Variants in ASAH1 observed in about 807,000 individuals in gnomAD.
ASAH1 encodes the protein acid ceramidase.
ASAH1 carries 70 observed loss-of-function variants against 59.5 expected under a neutral mutation model. That is an observed-to-expected ratio of 1.18 (90% confidence interval 0.97 to 1.43). The LOEUF (loss-of-function observed/expected upper bound fraction) is 1.43, where lower values mean the gene tolerates loss of function less well. Ranked by LOEUF, ASAH1 falls within the 40% of genes most tolerant of loss-of-function variation. The pLI is 0.00. For missense variants in ASAH1, 660 were observed against 482.5 expected, an observed-to-expected ratio of 1.37 and a Z score of -3.45; for synonymous variants, 213 against 166.5, an observed-to-expected ratio of 1.28 and a Z score of -2.15.
chr8:18,067,176 GAATTT>G (rs1799964683), intron 5 of ASAH1, 39 bp downstream of exon 5: 1 of 1,259,650 alleles, frequency 7.9e-7, no homozygotes, highest in Non-Finnish European at 1.1e-6. Flanking sequence ...ACTTGTAAAA[GAATTT>G]AATTACTTTT....
At chr8:18,084,387 G>T, upstream of ASAH1, 1 of 1,401,020 alleles carries the variant, frequency 7.1e-7, no homozygotes, top group Non-Finnish European at 9.3e-7. Context: ...CCGCCCCGTA[G>T]GTGGGGCCGG....
rs1361939719 is a variant in ASAH1, at chr8:18,064,526, T to A, written c.388A>T (p.Ile130Phe). 1.2e-5 allele frequency: 18 copies of A among 1,528,416 alleles called. No individual in the cohort carries two copies. The highest frequency in any genetic ancestry group is 1.4e-5 in the Non-Finnish European group (16 of 1,108,924). The allele number at this position is 1,528,416 out of a possible 1,614,324, so 94.7% of individuals were successfully genotyped here. The change falls in exon 6 of 14, where the codon ATT becomes TTT. Residue 130 changes from isoleucine (I) to phenylalanine (F), a missense_variant. By Grantham distance (21) the Ile-to-Phe change is conservative. Coordinates refer to ENST00000637790, the MANE Select transcript of ASAH1 (RefSeq NM_177924.5). ...AAVTDIPLGE[I>F]ISFNIFYELF... ...TCATAAAAAATATTGAATGAAATAA[T>A]CTCTCCTATGAGAAAAGAAAATTTT...
intron 2 of ASAH1, among the ~76,000 whole-genome samples, chr8:18,073,834 A>G (rs1016417148): frequency 1.3e-5 from 2 of 152,236 alleles, no homozygotes; most frequent in African/African-American, 4.8e-5. Flanking sequence ...GATAAGAGCA[A>G]AGCCGAGGCT....
In ASAH1 at chr8:18,061,595, G is replaced by A; in HGVS notation, c.703+91C>T. ...CTTTGTAACCAGTCGGGAACCGGAA[G>A]AGGTTGGACTTTGTAACCAGAAGGC... On this transcript the variant is annotated intron_variant, in intron 9 of 13. Transcript: ENST00000637790. The A allele has an allele frequency of 2.7e-6, 4 of 1,471,458 alleles. No homozygotes were observed. The South Asian group carries it at 3.5e-5, about 13-fold the overall frequency. The allele number at this position is 1,471,458 out of a possible 1,614,324, so 91.2% of individuals were successfully genotyped here.
At chr8:18,058,452 G>T in intron 13 of ASAH1, 2 of 200,654 alleles carry the variant, frequency 1.0e-5, no homozygotes, top group Non-Finnish European at 2.0e-5. Context: ...ATGTAGTAAA[G>T]TTTAAGGGAA....
intron 5 of ASAH1, chr8:18,065,086 T>A (rs1799875493): frequency 6.6e-6 from 1 of 152,192 alleles, no homozygotes; most frequent in Non-Finnish European, 1.5e-5. Flanking sequence ...CTGTCCCATT[T>A]AACATTAACA....
intron 5 of ASAH1, chr8:18,064,823 T>A (rs894108357): frequency 3.6e-5 from 12 of 334,234 alleles, no homozygotes; most frequent in Non-Finnish European, 6.0e-5. Flanking sequence ...CATTTTGAAT[T>A]TTCTTTTGGG....
At chr8:18,075,239 C>T (rs937892561) in intron 2 of ASAH1, among the ~76,000 whole-genome samples, 5 of 152,168 alleles carry the variant, frequency 3.3e-5, no homozygotes, top group South Asian at 4.1e-4. Flanking sequence ...ATGATTTACC[C>T]GCCTCGGCCT....
intron 1 of ASAH1, chr8:18,083,778 T>C (rs1019914021): frequency 3.9e-6 from 4 of 1,016,602 alleles, no homozygotes; most frequent in Non-Finnish European, 5.6e-6. Flanking sequence ...GGAGTTCTAG[T>C]TGCAGGTAGC....
rs1206505767 is a variant in ASAH1 at position 18,078,448 on chromosome 8, C to A, written c.79-2861G>T. Among the ~76,000 whole-genome samples, 4 of 152,044 alleles carry A rather than the reference C, an allele frequency of 2.6e-5. No homozygotes were observed. In the East Asian group the frequency reaches 7.7e-4, roughly 29 times the overall value. On this transcript the variant is annotated intron_variant, in intron 1 of 13. Transcript: ENST00000637790. ...CTGCAAGGAAATAGGATAAGTGTGA[C>A]AGAAAATAAGAAAGTTGGCAGCTAT... is the stretch of plus-strand genomic sequence containing the variant.
intron 10 of ASAH1, 33 bp downstream of exon 10, chr8:18,061,344 A>C: frequency 6.6e-7 from 1 of 1,521,258 alleles, no homozygotes; most frequent in Non-Finnish European, 9.1e-7. Flanking sequence ...ATTTAAAATA[A>C]ATATTTAATA....
chr8:18,079,448 AC>A (rs771388142), intron 1 of ASAH1, among the ~76,000 whole-genome samples: 1 of 128,804 alleles, frequency 7.8e-6, no homozygotes, highest in Non-Finnish European at 1.7e-5. Flanking sequence ...TCTAAAAAAA[AC>A]ACAAAAATAT....
In ASAH1 at chr8:18,061,680, A is replaced by C. The variant is rs375599238; in HGVS notation, c.703+6T>G. ...TTCCCATTTCACTTGAGAATGCTCT[A>C]CTTACCCAGATAACCACCATTTATA... On this transcript the variant is annotated splice_donor_region_variant and intron_variant, in intron 9 of 13. Transcript: ENST00000637790. The C allele has an allele frequency of 1.3e-6, 2 of 1,584,264 alleles. No individual in the cohort carries two copies. Among genetic ancestry groups the C allele is most frequent in the Non-Finnish European group, 1.7e-6 (2 of 1,163,026 alleles).
At position 18,057,565 on chromosome 8, in the gene ASAH1, C is replaced by T. The variant is rs769587137; in HGVS notation, c.1157G>A (p.Arg386Gln). The T allele has an allele frequency of 1.9e-6, 3 of 1,603,320 alleles. No homozygotes were observed. The highest frequency in any genetic ancestry group is 1.1e-5 in the South Asian group (1 of 90,960). ...VTKGQFETYL[R>Q]DCPDPCIGW The stretch of plus-strand genomic sequence containing the variant: ...ACCTATACAAGGGTCAGGGCAGTCC[C>T]GCAGGTAAGTTTCGAATTGACCTTT... Residue 386 changes from arginine (R) to glutamine (Q), a missense_variant, in exon 14 of 14, where the codon CGG becomes CAG. Arg to Gln is a conservative substitution (Grantham distance 43, BLOSUM62 1). Transcript: ENST00000637790.
Position 18,061,367 on chromosome 8 carries a change from AAC to A in ASAH1, c.785+8_785+9del, listed in dbSNP as rs987555528. 1.9e-6 allele frequency: 3 copies of A among 1,601,332 alleles called. No homozygotes were observed. In the African/African-American group the frequency reaches 4.0e-5, roughly 21 times the overall value. ...TAAATATTTAATAGTAAAGCAACGAAACACTTTACCTTGTGCTATTTTCCAGA... is the reference window on the plus strand; with the variant it reads ...TAAATATTTAATAGTAAAGCAACGAAACTTTACCTTGTGCTATTTTCCAGA... On this transcript the variant is annotated splice_region_variant and intron_variant, in intron 10 of 13. Transcript: ENST00000637790.
At chr8:18,075,403 G>T in intron 2 of ASAH1, 138 bp downstream of exon 2, 1 of 966,136 alleles carries the variant, frequency 1.0e-6, no homozygotes, top group South Asian at 1.3e-5. Context: ...AAACAAATCT[G>T]AGAAACAAAC....
At chr8:18,077,966 G>C (rs928576641) in intron 1 of ASAH1, among the ~76,000 whole-genome samples, 16 of 152,258 alleles carry the variant, frequency 1.1e-4, no homozygotes, top group African/African-American at 3.6e-4. Flanking sequence ...TTAAGACCCT[G>C]CTCCATTAGT....
chr8:18,059,843 A>T (rs908152695), intron 10 of ASAH1, 140 bp from the exon 11 acceptor site: 2 of 798,128 alleles, frequency 2.5e-6, no homozygotes, highest in African/African-American at 3.5e-5. Flanking sequence ...CACACGTGCC[A>T]TGGTGGTTTG....
chr8:18,059,495 G>T (rs774017376), intron 11 of ASAH1, 31 bp from the exon 12 acceptor site: 1 of 1,614,086 alleles, frequency 6.2e-7, no homozygotes, highest in Non-Finnish European at 8.5e-7. Flanking sequence ...TCCCTCTTAG[G>T]CTACATGCCT....
Sources: allele counts gnomAD v4.1 joint callset (sites outside exome capture counted in the v4.1 genomes callset), GRCh38; gene constraint gnomAD v4.1.1; transcripts MANE v1.5; gene names NCBI Gene and HGNC (gene_info 2026-07-23, HGNC 2026-07-21).